The following CLGN variants were observed in gnomAD, a reference collection of about 807,000 sequenced individuals.
The protein encoded by CLGN is calmegin, also known as testis tissue sperm-binding protein Li 79P.
CLGN carries 62 observed loss-of-function variants against 79.1 expected under a neutral mutation model. That is an observed-to-expected ratio of 0.78 (90% CI 0.64 to 0.97). The LOEUF (loss-of-function observed/expected upper bound fraction) is 0.97. Among genes scored for constraint, CLGN ranks in the 50% least tolerant of loss-of-function variants. The pLI, the probability that CLGN is intolerant of heterozygous loss-of-function variation, is 0.00. For synonymous variants in CLGN, 225 were observed against 224.7 expected (o/e 1.00, Z -0.01); for missense variants, 647 against 715.5 (o/e 0.90, Z 1.09).
chr4:140,410,614 T>C lies in CLGN; in HGVS notation c.157A>G (p.Thr53Ala), dbSNP rs767258974. 6.3e-6 allele frequency: 10 copies of C among 1,583,552 alleles called. No individual in the cohort carries two copies. Among genetic ancestry groups the C allele is most frequent in the Non-Finnish European group, 2.6e-6 (3 of 1,154,994 alleles). Residue 53 changes from threonine (T) to alanine (A), a missense_variant, in exon 3 of 15, where the codon ACA (threonine) becomes GCA (alanine). Transcript: ENST00000325617. ...TATACTTCTCCTATAGGTTGAGGTG[T>C]CTTATATTTAATCTAGAAAAGAGAT... is the stretch of plus-strand genomic sequence containing the variant. ...SELSSEIKYK[T>A]PQPIGEVYFA...
chr4:140,400,998 A>G lies in CLGN; in HGVS notation c.502-449T>C, dbSNP rs113319380. Among the ~76,000 whole-genome samples the G allele has an allele frequency of 5.3e-3, 805 of 152,248 alleles. 10 individuals carry two copies. Among genetic ancestry groups the G allele is most frequent in the African/African-American group, 0.017 (721 of 41,546 alleles). On this transcript the variant is annotated intron_variant, in intron 6 of 14. Transcript: ENST00000325617. Reference sequence around the variant, plus strand: ...CAGACATAAAAACAGACACGAGGACATGAATTTCTCTTTATTTGGCATGGC... The same window carrying G: ...CAGACATAAAAACAGACACGAGGACGTGAATTTCTCTTTATTTGGCATGGC...
At chr4:140,393,780 T>C (rs1337663067) in intron 11 of CLGN, 46 bp downstream of exon 11, 1 of 1,528,684 alleles carries the variant, frequency 6.5e-7, no homozygotes, top group Admixed American at 1.7e-5. Context: ...AGACCAAGTA[T>C]TATTATTCAT....
At chr4:140,398,796 T>C in intron 8 of CLGN, 55 bp downstream of exon 8, 1 of 1,447,836 alleles carries the variant, frequency 6.9e-7, no homozygotes, top group Non-Finnish European at 9.6e-7. Flanking sequence ...ACTTATATGT[T>C]GTTTCATTAC....
chr4:140,396,907 G>GTGTA (rs1553944650), intron 8 of CLGN, among the ~76,000 whole-genome samples: 12 of 117,344 alleles, frequency 1.0e-4, no homozygotes, highest in East Asian at 4.7e-4. Context: ...ATATATATAT[G>GTGTA]TATATATATA....
chr4:140,394,964 G>A (rs1279280555), intron 10 of CLGN, among the ~76,000 whole-genome samples: 1 of 151,848 alleles, frequency 6.6e-6, no homozygotes, highest in African/African-American at 2.4e-5. Flanking sequence ...GGCGGATCAC[G>A]GTCAGGAGTT....
At position 140,423,036 on chromosome 4, in the gene CLGN, A is replaced by G. The variant is rs558535964; in HGVS notation, c.-10+4501T>C. ...TTTTACTTCTTCCTTTTCAATTTGA[A>G]TGTCTTTTTTCTTTCTTTTTCTTCC... On this transcript the variant is annotated intron_variant, in intron 1 of 14. Coordinates refer to ENST00000325617, the MANE Select transcript of CLGN (RefSeq NM_004362.3). Among the ~76,000 whole-genome samples, 8 of 152,248 alleles carry G rather than the reference A, an allele frequency of 5.3e-5. No homozygotes were observed. The South Asian group carries it at 1.7e-3, about 32-fold the overall frequency.
rs544548964 is a variant in CLGN, at chr4:140,394,293, A to G, written c.1150-252T>C. 6.0e-4 allele frequency among the ~76,000 whole-genome samples: 91 copies of G among 152,366 alleles called. No homozygotes were observed. The Middle Eastern group carries it at 0.031, about 51-fold the overall frequency. On this transcript the variant is annotated intron_variant, in intron 10 of 14. Transcript: ENST00000325617. Reference sequence around the variant, plus strand: ...AAAAGGGAAAATCCAACATAAACAGAAACGTGAATAAATTTCACAATTTGT... The same window carrying G: ...AAAAGGGAAAATCCAACATAAACAGGAACGTGAATAAATTTCACAATTTGT...
chr4:140,421,628 C>A (rs1048877579), intron 1 of CLGN, among the ~76,000 whole-genome samples: 1 of 152,024 alleles, frequency 6.6e-6, no homozygotes, highest in African/African-American at 2.4e-5. Context: ...TATTCAAGTC[C>A]TTTGCCTATT....
At position 140,409,836 on chromosome 4, in the gene CLGN, C is replaced by T; in HGVS notation, c.277+1G>A. 1 of 1,569,352 alleles carries T rather than the reference C, an allele frequency of 6.4e-7. No individual in the cohort carries two copies. The highest frequency in any genetic ancestry group is 1.1e-5 in the South Asian group (1 of 88,704). On this transcript the variant is annotated splice_donor_variant, in intron 4 of 14. Transcript: ENST00000325617. LOFTEE classifies it high-confidence loss of function. The stretch of plus-strand genomic sequence containing the variant: ...ATCTAATACTTAAATAAATATTTTA[C>T]CATCGTATATTGAAATTTCCTCATC...
intron 13 of CLGN, among the ~76,000 whole-genome samples, chr4:140,391,222 C>A (rs1374253479): frequency 6.6e-6 from 1 of 151,724 alleles, no homozygotes; most frequent in Non-Finnish European, 1.5e-5. Flanking sequence ...AACTCCTACC[C>A]TACCAAGAAT....
intron 6 of CLGN, among the ~76,000 whole-genome samples, chr4:140,401,362 A>G (rs2126621005): frequency 6.6e-6 from 1 of 152,222 alleles, no homozygotes; most frequent in East Asian, 1.9e-4. Context: ...TACATGAAAA[A>G]GTCTCCCATC....
At chr4:140,396,851 C>T (rs1269173868) in intron 8 of CLGN, among the ~76,000 whole-genome samples, 1 of 138,698 alleles carries the variant, frequency 7.2e-6, no homozygotes, top group Non-Finnish European at 1.5e-5. Context: ...AGCCACCATG[C>T]CTGGCTGGAG....
At chr4:140,400,090 G>A (rs1030130521) in intron 7 of CLGN, among the ~76,000 whole-genome samples, 2 of 152,198 alleles carry the variant, frequency 1.3e-5, no homozygotes, top group East Asian at 3.9e-4. Flanking sequence ...ACTTCAAGAC[G>A]AGTTCAAATA....
chr4:140,389,010 A>G lies in CLGN; in HGVS notation c.*214T>C. 1 of 535,448 alleles carries G rather than the reference A, an allele frequency of 1.9e-6. No homozygotes were observed. Among genetic ancestry groups the G allele is most frequent in the Non-Finnish European group, 3.3e-6 (1 of 300,458 alleles). 33.2% of individuals were successfully genotyped at this position (535,448 alleles called of 1,614,324 possible). On this transcript the variant is annotated 3_prime_UTR_variant, in exon 15 of 15. Coordinates refer to ENST00000325617, the MANE Select transcript of CLGN (RefSeq NM_004362.3). ...TATTAATCTCTTAGATCCGATATGT[A>G]ATGTGCCACTTTTATTCTAAATTCA...
In CLGN at chr4:140,409,941, C is replaced by T. The variant is rs755656159; in HGVS notation, c.219-46G>A. The T allele has an allele frequency of 5.2e-6, 7 of 1,353,272 alleles. No individual in the cohort carries two copies. In the South Asian group the frequency reaches 8.8e-5, roughly 17 times the overall value. 83.8% of individuals were successfully genotyped at this position (1,353,272 alleles called of 1,614,324 possible). ...ACATATATGTCATTGACAATAAAAG[C>T]AGCAATTTATAGATATAAGGCATAC... is the stretch of plus-strand genomic sequence containing the variant. On this transcript the variant is annotated intron_variant, in intron 3 of 14. Transcript: ENST00000325617.
intron 1 of CLGN, among the ~76,000 whole-genome samples, chr4:140,425,013 G>A (rs1489089412): frequency 1.3e-5 from 2 of 152,162 alleles, no homozygotes; most frequent in African/African-American, 4.8e-5. Flanking sequence ...ATTATAAAGT[G>A]CAGCTCATGT....
intron 4 of CLGN, among the ~76,000 whole-genome samples, chr4:140,407,293 A>G (rs935235539): frequency 1.3e-5 from 2 of 152,032 alleles, no homozygotes; most frequent in African/African-American, 4.8e-5. Flanking sequence ...GTCTTATTTT[A>G]AGAAGTAACA....
At chr4:140,390,849 C>G (rs920352871) in intron 13 of CLGN, 121 bp from the exon 14 acceptor site, 1 of 476,794 alleles carries the variant, frequency 2.1e-6, no homozygotes, top group Non-Finnish European at 3.5e-6. Context: ...GATTTAGAAG[C>G]AACTTCTTCC....
chr4:140,389,507 A>G (rs1728735077), intron 14 of CLGN, among the ~76,000 whole-genome samples: 1 of 151,876 alleles, frequency 6.6e-6, no homozygotes, highest in Non-Finnish European at 1.5e-5. Context: ...ACATACACAT[A>G]AGAAGACGGA....
Sources: gnomAD v4.1 joint callset for allele counts (sites outside exome capture counted in the v4.1 genomes callset) on GRCh38, gnomAD v4.1.1 for gene constraint, MANE v1.5 for transcripts, NCBI Gene and HGNC (gene_info 2026-07-23, HGNC 2026-07-21) for gene names.